Variants in FAM83A observed in about 807,000 individuals in gnomAD.
The protein encoded by FAM83A is scaffolding CK1 anchoring protein A.
Under a neutral mutation model 24.4 loss-of-function variants are expected in FAM83A, and 21 were observed. The ratio of observed to expected loss-of-function variants is 0.86; its 90% CI spans 0.61 to 1.24. The LOEUF (loss-of-function observed/expected upper bound fraction) is 1.24. Ranked by LOEUF, FAM83A falls within the 50% of genes most tolerant of loss-of-function variation. FAM83A has a pLI of 0.00. For missense variants in FAM83A, 617 were observed against 579.8 expected (o/e 1.06, Z -0.66); for synonymous variants, 270 against 252.4 (o/e 1.07, Z -0.66).
chr8:123,183,362 C>G (rs568843575), intron 1 of FAM83A, 26 bp downstream of exon 1: 1 of 1,592,764 alleles, frequency 6.3e-7, no homozygotes, highest in Non-Finnish European at 8.6e-7. Flanking sequence ...CCCCTGTCTC[C>G]GTGGCCAAGT....
At chr8:123,198,650 C>T (rs1380856225) in intron 3 of FAM83A, among the ~76,000 whole-genome samples, 2 of 152,178 alleles carry the variant, frequency 1.3e-5, no homozygotes, top group Non-Finnish European at 2.9e-5. Context: ...TTGTTCCACC[C>T]TCGAATCCTC....
chr8:123,179,604 G>A (rs1718304248), upstream of FAM83A: 5 of 152,234 alleles, frequency 3.3e-5, no homozygotes, highest in Admixed American at 6.5e-5. Flanking sequence ...GCCAGGGAAG[G>A]AGGATGAGTG....
At chr8:123,182,704 A>G in exon 1 of FAM83A, 1 of 1,116,958 alleles carries the variant, frequency 9.0e-7, no homozygotes, top group Non-Finnish European at 1.3e-6. Context: ...GCGGTAAATC[A>G]CTTCTTGGAG....
chr8:123,201,397 T>C (rs1313481188), intron 3 of FAM83A: 1 of 152,180 alleles, frequency 6.6e-6, no homozygotes, highest in Non-Finnish European at 1.5e-5. Flanking sequence ...ACAGCCGGAA[T>C]ACATGCAGGG....
chr8:123,187,689 G>A (rs1468745120), intron 1 of FAM83A, among the ~76,000 whole-genome samples: 1 of 152,082 alleles, frequency 6.6e-6, no homozygotes, highest in Non-Finnish European at 1.5e-5. Flanking sequence ...AGCTCTTTGA[G>A]ATCAACAATA....
chr8:123,181,906 A>T, upstream of FAM83A: 1 of 382,370 alleles, frequency 2.6e-6, no homozygotes, highest in Non-Finnish European at 5.4e-6. Context: ...ACCCAAAGAG[A>T]GTCAGGGTTC....
intron 3 of FAM83A, among the ~76,000 whole-genome samples, chr8:123,203,957 CAAAA>C (rs1340124620): frequency 7.9e-5 from 4 of 50,630 alleles, no homozygotes; most frequent in Non-Finnish European, 1.0e-4. Context: ...AACTCCAACT[CAAAA>C]AAAAAAAAAA....
At chr8:123,204,258 A>G (rs1308909788) in intron 3 of FAM83A, among the ~76,000 whole-genome samples, 1 of 152,042 alleles carries the variant, frequency 6.6e-6, no homozygotes, top group Non-Finnish European at 1.5e-5. Flanking sequence ...GCCCCCAAAA[A>G]AATTTTTTTA....
intron 1 of FAM83A, among the ~76,000 whole-genome samples, chr8:123,191,170 A>G (rs972656859): frequency 1.3e-5 from 2 of 152,168 alleles, no homozygotes; most frequent in Admixed American, 6.5e-5. Context: ...GGGAGAATGA[A>G]TGCTTGGCAG....
chr8:123,197,472 T>A (rs1459397587), intron 3 of FAM83A, among the ~76,000 whole-genome samples: 4 of 152,232 alleles, frequency 2.6e-5, no homozygotes, highest in African/African-American at 9.6e-5. Context: ...TCCAGGCTCA[T>A]CCGAGCTGTA....
chr8:123,189,807 G>A (rs1439131378), intron 1 of FAM83A, among the ~76,000 whole-genome samples: 1 of 152,088 alleles, frequency 6.6e-6, no homozygotes, highest in Non-Finnish European at 1.5e-5. Context: ...ATAAAATCAA[G>A]CTGTGCCCCG....
At chr8:123,194,190 C>A in intron 3 of FAM83A, 42 bp downstream of exon 3, 3 of 1,610,732 alleles carry the variant, frequency 1.9e-6, no homozygotes, top group Non-Finnish European at 2.5e-6. Flanking sequence ...TCATGGAGAA[C>A]AAGGGCTGAG....
At chr8:123,190,314 T>G (rs998186591) in intron 1 of FAM83A, among the ~76,000 whole-genome samples, 10 of 152,160 alleles carry the variant, frequency 6.6e-5, no homozygotes, top group African/African-American at 1.9e-4. Flanking sequence ...CAGGCTGGAG[T>G]GCAGTGGTGC....
At chr8:123,207,815 GGTTCAAT>G in exon 4 of FAM83A, 2 of 1,402,410 alleles carry the variant, frequency 1.4e-6, no homozygotes, top group South Asian at 1.7e-5. Flanking sequence ...TCACTGCCAT[GGTTCAAT>G]GTTCCCAGGC....
At chr8:123,206,302 A>G (rs1382741425) in intron 3 of FAM83A, among the ~76,000 whole-genome samples, 2 of 152,020 alleles carry the variant, frequency 1.3e-5, no homozygotes, top group African/African-American at 2.4e-5. Flanking sequence ...TGCTTCCTCC[A>G]TAAACCACTC....
Position 123,188,488 on chromosome 8 carries a change from CT to C in FAM83A, c.481-3302del, listed in dbSNP as rs111400518. ...TTTTTTCGTTTCTTTTTCTTTCTTA[CT>C]TTTTTTTTTTTTGAAACAGGGTCTT... On this transcript the variant is annotated intron_variant, in intron 1 of 3. Coordinates refer to ENST00000690554, the Ensembl canonical transcript of FAM83A. 4.7e-3 allele frequency among the ~76,000 whole-genome samples: 674 copies of C among 144,464 alleles called. 1 individual carries two copies. Among genetic ancestry groups the C allele is most frequent in the African/African-American group, 8.3e-3 (332 of 39,770 alleles). 94.8% of individuals were successfully genotyped at this position (144,464 alleles called of 152,430 possible).
At chr8:123,182,113 C>G (rs535539369), upstream of FAM83A, 4 of 456,108 alleles carry the variant, frequency 8.8e-6, no homozygotes, top group African/African-American at 8.0e-5. Flanking sequence ...CCACTTCCAG[C>G]GAGGAAGCGT....
chr8:123,191,582 A>C (rs2131074733), intron 1 of FAM83A, among the ~76,000 whole-genome samples: 1 of 152,132 alleles, frequency 6.6e-6, no homozygotes, highest in South Asian at 2.1e-4. Flanking sequence ...AGGTGGTGGG[A>C]CTGGAGAGAT....
rs750592210 is a variant in FAM83A at position 123,191,932 on chromosome 8, AT to A, written c.611del (p.Met204SerfsTer93). 2.5e-6 allele frequency: 4 copies of A among 1,614,006 alleles called. No individual in the cohort carries two copies. The South Asian group carries it at 4.4e-5, about 18-fold the overall frequency. ...GGGAGGTGTGAAGCTCTTCCAGGAG[AT>A]GTGTGACAAAGTCCAGATCTCTGAC... On this transcript the variant is annotated frameshift_variant, in exon 2 of 4. Coordinates refer to ENST00000690554, the Ensembl canonical transcript of FAM83A. LOFTEE classifies it high-confidence loss of function.
Sources: gnomAD v4.1 joint callset for allele counts (sites outside exome capture counted in the v4.1 genomes callset) on GRCh38, gnomAD v4.1.1 for gene constraint, MANE v1.5 for transcripts, NCBI Gene and HGNC (gene_info 2026-07-23, HGNC 2026-07-21) for gene names.